Variants in RUNDC1 observed in about 807,000 individuals in gnomAD.
The protein encoded by RUNDC1 is RUN domain-containing protein 1.
RUNDC1 carries 31 observed loss-of-function variants against 49.3 expected under a neutral mutation model. The observed-to-expected ratio is 0.63, with a 90% CI of 0.47 to 0.85. The LOEUF is 0.85. Ranked by LOEUF, RUNDC1 falls within the 40% of genes least tolerant of loss-of-function variation. The pLI is 0.00. For missense variants in RUNDC1, 715 were observed against 806.7 expected, an observed-to-expected ratio of 0.89 and a Z score of 1.38; for synonymous variants, 347 against 348.6, an observed-to-expected ratio of 1.00 and a Z score of 0.05.
Position 42,980,705 on chromosome 17 carries a change from G to C in RUNDC1, c.129G>C (p.Val43=), listed in dbSNP as rs17853898. ...GCGAGGCGGTGCGCTGGGCCCCAGT[G>C]GGGGCGGTGGCGGAGGCCCGGCCTG... ...PPCEAVRWAP[V]GAVAEARPGA... Residue 43 remains valine, a synonymous_variant, in exon 1 of 5, where the codon GTG becomes GTC. Transcript: ENST00000361677. 3.2e-6 allele frequency: 5 copies of C among 1,557,994 alleles called. No individual in the cohort carries two copies. In the East Asian group the frequency reaches 9.5e-5, roughly 30 times the overall value.
At chr17:42,981,722 T>A (rs1019542121) in intron 1 of RUNDC1, 8 of 152,130 alleles carry the variant, frequency 5.3e-5, no homozygotes, top group African/African-American at 1.7e-4. Flanking sequence ...TCTCAAGCCA[T>A]CCTCCCGCCT....
rs199867848 is a variant in RUNDC1, at chr17:42,987,380, C to T, written c.623C>T (p.Ser208Leu). The change falls in exon 2 of 5, where the codon TCG (serine) becomes TTG (leucine). Residue 208 changes from serine (S) to leucine (L), a missense_variant. Around this residue, in one of 5 missense-constraint regions of RUNDC1, gnomAD observed 15 missense variants for 47.9 expected, o/e 0.31. Transcript: ENST00000361677. ...GCCTATCAAGAGGGCAGTTATGACT[C>T]GCTGCCACAGTCCGTGGTGTTGGAA... Reference protein sequence around the residue: ...TFAYQEGSYDSLPQSVVLERQ... With the variant: ...TFAYQEGSYDLLPQSVVLERQ... The T allele has an allele frequency of 2.4e-4, 380 of 1,614,132 alleles. 4 individuals are homozygous for T. In the Middle Eastern group the frequency reaches 4.3e-3, roughly 18 times the overall value.
In RUNDC1 at chr17:42,980,881, C is replaced by T; in HGVS notation, c.305C>T (p.Ala102Val). 6.6e-7 allele frequency: 1 copy of T among 1,503,766 alleles called. No homozygotes were observed. The highest frequency in any genetic ancestry group is 8.8e-7 in the Non-Finnish European group (1 of 1,132,958). The allele number at this position is 1,503,766 out of a possible 1,614,324, so 93.2% of individuals were successfully genotyped here. A position where few individuals can be genotyped will look rare whatever the true frequency, so the allele number is the denominator to read the frequency against. The change falls in exon 1 of 5, where the codon GCG (alanine) becomes GTG (valine). Residue 102 changes from alanine (A) to valine (V), a missense_variant. Ala to Val is a moderately conservative substitution (Grantham distance 64). Transcript: ENST00000361677. The part of the protein sequence containing the change: ...SALLALSSHF[A>V]QVQFRLRQVV... ...CTGCTGGCGCTGTCCTCGCACTTCGCGCAGGTGCAGTTCCGCCTGCGCCAG... is the reference window on the plus strand; with the variant it reads ...CTGCTGGCGCTGTCCTCGCACTTCGTGCAGGTGCAGTTCCGCCTGCGCCAG...
At chr17:42,986,677 AT>A (rs1449163514) in intron 1 of RUNDC1, among the ~76,000 whole-genome samples, 1 of 150,550 alleles carries the variant, frequency 6.6e-6, no homozygotes, top group Non-Finnish European at 1.5e-5. Context: ...TTTTTTTTGT[AT>A]TTTTAGTAGA....
intron 3 of RUNDC1, 28 bp from the exon 4 acceptor site, chr17:42,990,289 G>GT (rs1220795430): frequency 6.2e-7 from 1 of 1,611,578 alleles, no homozygotes; most frequent in African/African-American, 1.3e-5. Flanking sequence ...GGCTAAATAA[G>GT]TGTCTCTTCT....
At chr17:42,983,304 A>G (rs1245013307) in intron 1 of RUNDC1, among the ~76,000 whole-genome samples, 2 of 150,662 alleles carry the variant, frequency 1.3e-5, no homozygotes, top group Non-Finnish European at 1.5e-5. Flanking sequence ...GTGAACAGGT[A>G]GGACCAGAGT....
At position 42,993,867 on chromosome 17, in the gene RUNDC1, C is replaced by CTT. The variant is rs553859472; in HGVS notation, c.*2160_*2161dup. Among the ~76,000 whole-genome samples the CTT allele has an allele frequency of 6.7e-6, 1 of 148,798 alleles. No individual in the cohort carries two copies. The highest frequency in any genetic ancestry group is 2.5e-5 in the African/African-American group (1 of 40,530). On this transcript the variant is annotated 3_prime_UTR_variant, in exon 5 of 5. Coordinates refer to ENST00000361677, the MANE Select transcript of RUNDC1 (RefSeq NM_173079.5). The stretch of plus-strand genomic sequence containing the variant: ...CACATGCTGCTTTTGGAATGGAGAC[C>CTT]TTTTTTTTTTGAGATGGAGTCTCGC...
At chr17:42,987,971 C>T (rs1162936323) in intron 2 of RUNDC1, among the ~76,000 whole-genome samples, 5 of 152,064 alleles carry the variant, frequency 3.3e-5, no homozygotes, top group Non-Finnish European at 4.4e-5. Context: ...AGGCTGGTCT[C>T]GAACTCCCAA....
rs61995864 is a variant in RUNDC1, at chr17:42,991,183, C to T, written c.1309C>T (p.Leu437=). 1,034 of 1,614,220 alleles carry T rather than the reference C, an allele frequency of 6.4e-4. 8 individuals carry two copies. The African/African-American group carries it at 0.012, about 19-fold the overall frequency. The change falls in exon 5 of 5, where the codon CTG becomes TTG. Residue 437 remains leucine (L), a synonymous_variant. Coordinates refer to ENST00000361677, the MANE Select transcript of RUNDC1 (RefSeq NM_173079.5). ...RKELTVAVRD[L]LAHGLYASSP... is the part of the protein sequence containing the mutation. Reference sequence around the variant, plus strand: ...GGAGCTAACGGTGGCTGTGAGGGACCTGCTGGCCCATGGACTGTATGCCTC... The same window carrying T: ...GGAGCTAACGGTGGCTGTGAGGGACTTGCTGGCCCATGGACTGTATGCCTC...
chr17:42,989,435 C>T lies in RUNDC1; in HGVS notation c.752C>T (p.Ala251Val), dbSNP rs769067964. The change falls in exon 3 of 5, where the codon GCA becomes GTA. Residue 251 changes from alanine (A) to valine (V), a missense_variant. This residue lies in a region of RUNDC1 where 425 missense variants were observed against 499.7 expected (regional missense o/e 0.85). Transcript: ENST00000361677. ...STEELRQRVD[A>V]AVAQIVNPAR... ...GAAGAGCTTCGTCAGCGTGTAGATG[C>T]AGCAGTGGCTCAGATCGTCAACCCA... The T allele has an allele frequency of 6.2e-7, 1 of 1,613,490 alleles. No homozygotes were observed. The highest frequency in any genetic ancestry group is 8.5e-7 in the Non-Finnish European group (1 of 1,179,802).
intron 2 of RUNDC1, among the ~76,000 whole-genome samples, chr17:42,988,898 GCA>G (rs2050203394): frequency 6.6e-6 from 1 of 152,156 alleles, no homozygotes; most frequent in Non-Finnish European, 1.5e-5. Flanking sequence ...GATTGCTTGA[GCA>G]CAGGAGTTTG....
chr17:42,980,925 G>C lies in RUNDC1; in HGVS notation c.349G>C (p.Ala117Pro). Reference protein sequence around the residue: ...RLRQVVRGAPAEQQRLLRELE... With the variant: ...RLRQVVRGAPPEQQRLLRELE... ...GCGCCAGGTGGTGCGCGGGGCGCCGGCGGAGCAGCAGCGCCTTCTGCGGGA... is the reference window on the plus strand; with the variant it reads ...GCGCCAGGTGGTGCGCGGGGCGCCGCCGGAGCAGCAGCGCCTTCTGCGGGA... The change falls in exon 1 of 5, where the codon GCG becomes CCG. Residue 117 changes from alanine (A) to proline (P), a missense_variant. Ala to Pro is a conservative substitution (Grantham distance 27). Transcript: ENST00000361677. 6.5e-7 allele frequency: 1 copy of C among 1,532,846 alleles called. No homozygotes were observed. Among genetic ancestry groups the C allele is most frequent in the Non-Finnish European group, 8.7e-7 (1 of 1,146,212 alleles). The allele number at this position is 1,532,846 out of a possible 1,614,324, so 95.0% of individuals were successfully genotyped here.
At position 42,991,943 on chromosome 17, in the gene RUNDC1, G is replaced by A. The variant is rs960323962; in HGVS notation, c.*227G>A. 1.1e-4 allele frequency: 60 copies of A among 525,274 alleles called. No individual in the cohort carries two copies. The highest frequency in any genetic ancestry group is 9.8e-4 in the East Asian group (28 of 28,552). The allele number at this position is 525,274 out of a possible 1,614,324, so 32.5% of individuals were successfully genotyped here. On this transcript the variant is annotated 3_prime_UTR_variant, in exon 5 of 5. Coordinates refer to ENST00000361677, the MANE Select transcript of RUNDC1 (RefSeq NM_173079.5). ...AAGAAGGTTCTGCCAGGCCGGGCGC[G>A]GTGGCTCACACCTGTAATCCCAGCA...
intron 1 of RUNDC1, chr17:42,985,602 C>CTTTTTTTTTTTTTTT (rs71157692): frequency 4.7e-5 from 8 of 169,656 alleles, no homozygotes; most frequent in Admixed American, 1.5e-4. Flanking sequence ...TTGTTGTTTT[C>CTTTTTTTTTTTTTTT]TTTTTTTTTT....
intron 1 of RUNDC1, among the ~76,000 whole-genome samples, chr17:42,982,819 CAAA>C (rs59693674): frequency 6.7e-5 from 8 of 118,576 alleles, no homozygotes; most frequent in African/African-American, 9.6e-5. Context: ...ACTAAAAATA[CAAA>C]AAAAAAAAAA....
rs1434879943 is a variant in RUNDC1 at position 42,991,398 on chromosome 17, T to G, written c.1524T>G (p.Thr508=). ...TCGCCCTTCCTGTTACGGGAGGCAC[T>G]GTTGTCACCCCCAAACAGAGCCTAC... is the stretch of plus-strand genomic sequence containing the variant. ...QSFALPVTGG[T]VVTPKQSLLT... Residue 508 remains threonine (T), a synonymous_variant, in exon 5 of 5, where the codon ACT becomes ACG. Coordinates refer to ENST00000361677, the MANE Select transcript of RUNDC1 (RefSeq NM_173079.5). 5 of 1,614,090 alleles carry G rather than the reference T, an allele frequency of 3.1e-6. No homozygotes were observed. Among genetic ancestry groups the G allele is most frequent in the Non-Finnish European group, 4.2e-6 (5 of 1,180,044 alleles).
chr17:42,984,889 CTTTTTTTTT>C (rs56228523), intron 1 of RUNDC1, among the ~76,000 whole-genome samples: 6 of 65,334 alleles, frequency 9.2e-5, no homozygotes, highest in South Asian at 6.7e-4. Flanking sequence ...TTCTTTCTTT[CTTTTTTTTT>C]TTTTTTTTTT....
At chr17:42,989,667 C>G (rs2151960022) in intron 3 of RUNDC1, 128 bp downstream of exon 3, 2 of 829,058 alleles carry the variant, frequency 2.4e-6, no homozygotes, top group East Asian at 5.3e-5. Context: ...CAGTGTCTCT[C>G]TCTGTTCCCC....
chr17:42,985,184 G>A (rs1386185184), intron 1 of RUNDC1, among the ~76,000 whole-genome samples: 1 of 152,114 alleles, frequency 6.6e-6, no homozygotes, highest in African/African-American at 2.4e-5. Context: ...ACTGCGTTCG[G>A]CCATACTTTC....
Sources: allele counts gnomAD v4.1 joint callset (sites outside exome capture counted in the v4.1 genomes callset), GRCh38; gene constraint gnomAD v4.1.1; regional missense constraint gnomAD v4.1.1; transcripts MANE v1.5; gene names NCBI Gene and HGNC (gene_info 2026-07-23, HGNC 2026-07-21).